Variants in YBEY observed in about 807,000 individuals in gnomAD.
The protein encoded by YBEY is ybeY metalloendoribonuclease.
Under a neutral mutation model 13.5 loss-of-function variants are expected in YBEY, and 15 were observed. The observed-to-expected ratio is 1.11, with a 90% CI of 0.75 to 1.72. YBEY has a LOEUF of 1.72. Ranked by LOEUF, YBEY falls within the 40% of genes most tolerant of loss-of-function variation. The pLI is 0.00. For missense variants in YBEY, 244 were observed against 208.4 expected, an observed-to-expected ratio of 1.17 and a Z score of -1.05; for synonymous variants, 101 against 83.1, an observed-to-expected ratio of 1.21 and a Z score of -1.17.
In YBEY at chr21:46,296,249, C is replaced by T. The variant is rs1244180054; in HGVS notation, c.408+19C>T. On this transcript the variant is annotated intron_variant, in intron 4 of 4. Transcript: ENST00000397701. The stretch of plus-strand genomic sequence containing the variant: ...GCAGCAGGTAAGGAGCCCATCCATC[C>T]CACTACCGAGGGGGTGCGTGGGGGA... 3 of 1,612,912 alleles carry T rather than the reference C, an allele frequency of 1.9e-6. No homozygotes were observed. The highest frequency in any genetic ancestry group is 2.5e-6 in the Non-Finnish European group (3 of 1,179,992).
At chr21:46,298,750 G>A (rs1222534576), downstream of YBEY, among the ~76,000 whole-genome samples, 1 of 145,756 alleles carries the variant, frequency 6.9e-6, no homozygotes, top group Admixed American at 6.9e-5. Context: ...TTTGAGGTAG[G>A]GTCTGGCTCT....
At chr21:46,297,815 C>T, downstream of YBEY, 1 of 1,204,844 alleles carries the variant, frequency 8.3e-7, no homozygotes, top group Non-Finnish European at 1.0e-6. Context: ...ATCGAGAGGG[C>T]GTCTGGAGTT....
downstream of YBEY, chr21:46,302,149 C>T (rs528767443): frequency 4.4e-5 from 65 of 1,487,142 alleles, no homozygotes; most frequent in East Asian, 1.0e-3. Flanking sequence ...GCACATGTGG[C>T]GGGTCCTGCC....
At chr21:46,298,651 C>T (rs535874909), downstream of YBEY, among the ~76,000 whole-genome samples, 1 of 151,564 alleles carries the variant, frequency 6.6e-6, no homozygotes, top group African/African-American at 2.4e-5. Context: ...GGATGGTCTC[C>T]ATCTCCTGAC....
chr21:46,303,795 A>G, the YBEY span, among the ~76,000 whole-genome samples: 5 of 124,260 alleles, frequency 4.0e-5, no homozygotes, highest in Non-Finnish European at 8.0e-5. Context: ...TCTGTCGCCG[A>G]GGCTGGAGTG....
the YBEY span, among the ~76,000 whole-genome samples, chr21:46,305,866 T>C: frequency 6.6e-6 from 1 of 151,368 alleles, no homozygotes; most frequent in Non-Finnish European, 1.5e-5. Context: ...GGCGTGAACC[T>C]GGGGGGCAGA....
In YBEY at chr21:46,297,538, G is replaced by C. The variant is rs1435752102; in HGVS notation, c.409-1G>C. On this transcript the variant is annotated splice_acceptor_variant, in intron 4 of 4. Transcript: ENST00000397701. LOFTEE classifies it high-confidence loss of function. ...GGGCCAGCGCGCTTCCTTCCTTCCA[G>C]ATGTTCCAGAAGGAGAAGGCGGTGC... is the stretch of plus-strand genomic sequence containing the variant. 4 of 1,390,116 alleles carry C rather than the reference G, an allele frequency of 2.9e-6. No individual in the cohort carries two copies. Among genetic ancestry groups the C allele is most frequent in the Non-Finnish European group, 3.8e-6 (4 of 1,060,700 alleles). The allele number at this position is 1,390,116 out of a possible 1,614,324, so 86.1% of individuals were successfully genotyped here.
At chr21:46,313,070 G>C in the YBEY span, 12 of 985,408 alleles carry the variant, frequency 1.2e-5, no homozygotes, top group Admixed American at 6.1e-4. Flanking sequence ...GAGACCAAGA[G>C]TTGGCAAACT....
chr21:46,287,129 A>AAAAAAG lies in YBEY; in HGVS notation c.210+11_210+12insGAAAAA, dbSNP rs768104244. On this transcript the variant is annotated splice_region_variant and intron_variant, in intron 2 of 4. Coordinates refer to ENST00000397701, the MANE Select transcript of YBEY (RefSeq NM_001314025.2). ...TTTCTTTTCCATTTCATGAGGTAAA[A>AAAAAAG]AAAAAATGTTCCTCTTCTTGTCTAG... is the stretch of plus-strand genomic sequence containing the variant. 302 of 1,590,842 alleles carry AAAAAAG rather than the reference A, an allele frequency of 1.9e-4. 1 individual carries two copies. Among genetic ancestry groups the AAAAAAG allele is most frequent in the Admixed American group, 3.4e-4 (18 of 53,612 alleles).
the YBEY span, among the ~76,000 whole-genome samples, chr21:46,306,815 T>C: frequency 6.6e-6 from 1 of 152,174 alleles, no homozygotes; most frequent in South Asian, 2.1e-4. Flanking sequence ...CTGGAACTCC[T>C]GAGCTCAAGC....
downstream of YBEY, chr21:46,301,392 C>T (rs146323299): frequency 9.9e-4 from 760 of 771,528 alleles, 5 homozygotes; most frequent in African/African-American, 0.013. Context: ...AGTGATCCTC[C>T]TGCCTCAGCC....
chr21:46,289,583 T>A (rs989267898), intron 2 of YBEY, among the ~76,000 whole-genome samples: 2 of 151,680 alleles, frequency 1.3e-5, no homozygotes, highest in Non-Finnish European at 2.9e-5. Flanking sequence ...GTAGCTGGGA[T>A]TACAGGCGCC....
At chr21:46,310,882 T>C in the YBEY span, among the ~76,000 whole-genome samples, 2 of 151,978 alleles carry the variant, frequency 1.3e-5, no homozygotes, top group Admixed American at 1.3e-4. Flanking sequence ...ATTATTATTA[T>C]TTTTGAGACA....
At position 46,295,221 on chromosome 21, in the gene YBEY, G is replaced by C. The variant is rs188894597; in HGVS notation, c.340-941G>C. 2.8e-3 allele frequency among the ~76,000 whole-genome samples: 422 copies of C among 152,086 alleles called. 1 individual carries two copies. The highest frequency in any genetic ancestry group is 9.8e-3 in the African/African-American group (407 of 41,458). ...GGCTCCCTATTACCCTGAGGGGAGG[G>C]CCAGCCCACCAGCCCAGGACCCCAT... On this transcript the variant is annotated intron_variant, in intron 3 of 4. Coordinates refer to ENST00000397701, the MANE Select transcript of YBEY (RefSeq NM_001314025.2).
chr21:46,311,942 TCCACCCACCCATCCATCCACCCAC>T, the YBEY span, among the ~76,000 whole-genome samples: 1 of 102,298 alleles, frequency 9.8e-6, no homozygotes. Context: ...CAACCAACCA[TCCACCCACCCATCCATCCACCCAC>T]CCACCCACCC....
intron 4 of YBEY, 24 bp downstream of exon 4, chr21:46,296,254 A>G: frequency 6.2e-7 from 1 of 1,612,314 alleles, no homozygotes; most frequent in Non-Finnish European, 8.5e-7. Flanking sequence ...CCATCCCACT[A>G]CCGAGGGGGT....
At chr21:46,300,500 G>A, downstream of YBEY, 1 of 283,362 alleles carries the variant, frequency 3.5e-6, no homozygotes. Flanking sequence ...AGAGGAAATG[G>A]AGTCTGAGCT....
chr21:46,295,734 G>A (rs1216915371), intron 3 of YBEY, among the ~76,000 whole-genome samples: 2 of 152,274 alleles, frequency 1.3e-5, no homozygotes, highest in South Asian at 4.1e-4. Context: ...TCCTGACTGG[G>A]GGTTGGACCT....
downstream of YBEY, chr21:46,301,472 C>T: frequency 3.6e-6 from 3 of 831,728 alleles, no homozygotes; most frequent in Non-Finnish European, 3.9e-6. Context: ...TGTGCCACAG[C>T]TGTGGACACA....
Sources: gnomAD v4.1 joint callset for allele counts (sites outside exome capture counted in the v4.1 genomes callset) on GRCh38, gnomAD v4.1.1 for gene constraint, MANE v1.5 for transcripts, NCBI Gene and HGNC (gene_info 2026-07-23, HGNC 2026-07-21) for gene names.